STAB2: variants seen among roughly 807,000 people sequenced by gnomAD.
STAB2 encodes stabilin-2.
A neutral mutation model predicts 338.1 loss-of-function variants in STAB2; 288 were observed. That is an observed-to-expected ratio of 0.85 (90% CI 0.77 to 0.94). STAB2 has a LOEUF of 0.94. Ranked by LOEUF, STAB2 falls within the 40% of genes least tolerant of loss-of-function variation. STAB2 has a pLI of 0.00. For synonymous variants in STAB2, 1,202 were observed against 1,193.3 expected (o/e 1.01, Z -0.15); for missense variants, 3,141 against 3,210.1 (o/e 0.98, Z 0.52).
intron 5 of STAB2, among the ~76,000 whole-genome samples, 157 bp from the exon 6 acceptor site, chr12:103,631,441 T>TAA (rs10668571): frequency 0.48 from 70,463 of 147,838 alleles, 17,211 homozygotes; most frequent in Non-Finnish European, 0.55. Flanking sequence ...ATGTTAAACT[T>TAA]AAAAAAAAAA....
chr12:103,723,680 G>C (rs1364328613), intron 44 of STAB2, among the ~76,000 whole-genome samples: 1 of 152,224 alleles, frequency 6.6e-6, no homozygotes. Context: ...AGAGAAGTTA[G>C]AGTGGGGCCC....
At chr12:103,728,486 C>T (rs904050172) in intron 47 of STAB2, among the ~76,000 whole-genome samples, 9 of 152,214 alleles carry the variant, frequency 5.9e-5, no homozygotes, top group Non-Finnish European at 1.2e-4. Context: ...GGCACTGATA[C>T]CTCTCCAAGA....
chr12:103,730,371 C>A, intron 49 of STAB2, 115 bp downstream of exon 49: 1 of 1,219,910 alleles, frequency 8.2e-7, no homozygotes, highest in Non-Finnish European at 1.2e-6. Flanking sequence ...CAATCTCAAG[C>A]TATTATTAAA....
At chr12:103,705,499 A>G (rs1879264737) in intron 36 of STAB2, 133 bp from the exon 37 acceptor site, 1 of 699,110 alleles carries the variant, frequency 1.4e-6, no homozygotes, top group East Asian at 2.7e-5. Context: ...AAGCAGTGCC[A>G]ACAAGCCACC....
intron 5 of STAB2, among the ~76,000 whole-genome samples, chr12:103,629,474 AGTT>A (rs1957427220): frequency 6.6e-6 from 1 of 152,084 alleles, no homozygotes; most frequent in African/African-American, 2.4e-5. Flanking sequence ...ACAAACCTCT[AGTT>A]GTCGTAGGGT....
At position 103,755,722 on chromosome 12, in the gene STAB2, T is replaced by C. The variant is rs756232789; in HGVS notation, c.6987+4T>C. 6 of 1,614,066 alleles carry C rather than the reference T, an allele frequency of 3.7e-6. No homozygotes were observed. The highest frequency in any genetic ancestry group is 5.1e-6 in the Non-Finnish European group (6 of 1,180,010). ...CTCACTCACAAACTTCCTGACGGTA[T>C]GTACCATGTCTGCTTGGTTTGCCTC... On this transcript the variant is annotated splice_donor_region_variant and intron_variant, in intron 63 of 68. Transcript: ENST00000388887.
rs1566051131 is a variant in STAB2, at chr12:103,726,213, G to GT, written c.4851+51dup. On this transcript the variant is annotated intron_variant, in intron 46 of 68. Transcript: ENST00000388887. ...GCCATAAGAGTTCAGCCTAGGCCAG[G>GT]TGCAGTGGCTCACACCTGTAATTCC... The GT allele has an allele frequency of 1.9e-6, 3 of 1,595,668 alleles. No individual in the cohort carries two copies. The South Asian group carries it at 3.3e-5, about 18-fold the overall frequency.
chr12:103,620,404 G>A (rs549375248), intron 3 of STAB2, 64 bp from the exon 4 acceptor site: 43 of 1,438,250 alleles, frequency 3.0e-5, no homozygotes, highest in South Asian at 2.8e-4. Context: ...GTGTTTAAGC[G>A]CATCCTTGCA....
rs1882682183 is a variant in STAB2, at chr12:103,742,667, A to G, written c.6031+113A>G. 7 of 1,506,146 alleles carry G rather than the reference A, an allele frequency of 4.6e-6. No homozygotes were observed. The East Asian group carries it at 1.4e-4, about 29-fold the overall frequency. 93.3% of individuals were successfully genotyped at this position (1,506,146 alleles called of 1,614,324 possible). A position where few individuals can be genotyped will look rare whatever the true frequency, so the allele number is the denominator to read the frequency against. ...CATCCTTTTGTCCTTTCTCTCAGCCACACCCCTCCAATCTGCCTGCCCTAT... is the reference window on the plus strand; with the variant it reads ...CATCCTTTTGTCCTTTCTCTCAGCCGCACCCCTCCAATCTGCCTGCCCTAT... On this transcript the variant is annotated intron_variant, in intron 56 of 68. Coordinates refer to ENST00000388887, the MANE Select transcript of STAB2 (RefSeq NM_017564.10).
intron 3 of STAB2, among the ~76,000 whole-genome samples, chr12:103,597,548 G>C (rs1452774361): frequency 3.9e-5 from 6 of 152,058 alleles, no homozygotes; most frequent in Non-Finnish European, 8.8e-5. Context: ...TAAGAATAAA[G>C]CATGAATTCT....
At chr12:103,677,063 G>A (rs955974318) in intron 24 of STAB2, among the ~76,000 whole-genome samples, 2 of 152,142 alleles carry the variant, frequency 1.3e-5, no homozygotes, top group Non-Finnish European at 2.9e-5. Context: ...TAGTATAGTG[G>A]AGTTTGGGTT....
chr12:103,759,517 C>G (rs1232026626), intron 65 of STAB2, among the ~76,000 whole-genome samples: 1 of 152,224 alleles, frequency 6.6e-6, no homozygotes, highest in East Asian at 1.9e-4. Context: ...CATTTTAAAG[C>G]TGATTCTCCG....
chr12:103,680,518 C>G (rs565691122), intron 25 of STAB2, among the ~76,000 whole-genome samples: 39 of 152,316 alleles, frequency 2.6e-4, no homozygotes, highest in African/African-American at 9.1e-4. Context: ...ACCATTGCAA[C>G]TCTTAAGCAG....
rs778200382 is a variant in STAB2 at position 103,740,659 on chromosome 12, G to C, written c.5784G>C (p.Leu1928=). 6.2e-7 allele frequency: 1 copy of C among 1,612,130 alleles called. No individual in the cohort carries two copies. The highest frequency in any genetic ancestry group is 1.7e-5 in the Admixed American group (1 of 59,628). ...KGVKQKCLYN[L]PFKRNLEGCR... ...TGAAGCAGAAGTGTCTCTACAACCT[G>C]CCCTTCAAGAGGAACCTGGAAGGCT... The change falls in exon 55 of 69, where the codon CTG becomes CTC. Residue 1928 remains leucine, a synonymous_variant. Coordinates refer to ENST00000388887, the MANE Select transcript of STAB2 (RefSeq NM_017564.10).
rs542631213 is a variant in STAB2, at chr12:103,651,548, G to A, written c.1257+970G>A. 2.1e-3 allele frequency among the ~76,000 whole-genome samples: 318 copies of A among 151,254 alleles called. 1 individual carries two copies. Among genetic ancestry groups the A allele is most frequent in the African/African-American group, 7.3e-3 (299 of 41,102 alleles). ...AGGATGGTCTCCATCTCCTGACCTCGTGATCTGCCTGCCTCAGCCTCCCAA... is the reference window on the plus strand; with the variant it reads ...AGGATGGTCTCCATCTCCTGACCTCATGATCTGCCTGCCTCAGCCTCCCAA... On this transcript the variant is annotated intron_variant, in intron 11 of 68. Coordinates refer to ENST00000388887, the MANE Select transcript of STAB2 (RefSeq NM_017564.10).
intron 24 of STAB2, among the ~76,000 whole-genome samples, chr12:103,677,091 C>T (rs1040440371): frequency 4.6e-5 from 7 of 152,156 alleles, no homozygotes; most frequent in African/African-American, 1.7e-4. Flanking sequence ...TATACAGGCC[C>T]GGGTTCATGT....
At chr12:103,622,327 T>A (rs1957314738) in intron 5 of STAB2, among the ~76,000 whole-genome samples, 1 of 149,180 alleles carries the variant, frequency 6.7e-6, no homozygotes, top group African/African-American at 2.5e-5. Context: ...TGAAGCCATG[T>A]GATGAAAGAA....
At chr12:103,749,899 C>T (rs1187109818) in intron 59 of STAB2, among the ~76,000 whole-genome samples, 1 of 139,082 alleles carries the variant, frequency 7.2e-6, no homozygotes, top group Non-Finnish European at 1.5e-5. Context: ...AGGAAAAGTG[C>T]CGAAAAGATG....
intron 9 of STAB2, among the ~76,000 whole-genome samples, chr12:103,643,917 G>A (rs1873113573): frequency 1.2e-5 from 1 of 81,036 alleles, no homozygotes; most frequent in East Asian, 2.9e-4. Flanking sequence ...GAAGTGAGGA[G>A]CCCCTCTGCC....
Sources: gnomAD v4.1 joint callset for allele counts (sites outside exome capture counted in the v4.1 genomes callset) on GRCh38, gnomAD v4.1.1 for gene constraint, MANE v1.5 for transcripts, NCBI Gene and HGNC (gene_info 2026-07-23, HGNC 2026-07-21) for gene names.